Variants in ARL9 observed in about 807,000 individuals in gnomAD.
ARL9 encodes the protein ARF like GTPase 9.
In ARL9, 14 loss-of-function variants were observed where a neutral mutation model predicts 27.0. That is an observed-to-expected ratio of 0.52 (90% CI 0.34 to 0.81). ARL9 has a LOEUF of 0.81. Ranked by LOEUF, ARL9 falls within the 30% of genes least tolerant of loss-of-function variation. The pLI, the probability that ARL9 is intolerant of heterozygous loss-of-function variation, is 0.01. For missense variants in ARL9, 294 were observed against 290.0 expected, an observed-to-expected ratio of 1.01 and a Z score of -0.10; for synonymous variants, 106 against 108.7, an observed-to-expected ratio of 0.98 and a Z score of 0.15.
In ARL9 at chr4:56,515,591, T is replaced by C. The variant is rs114847973; in HGVS notation, c.443-3087T>C. Among the ~76,000 whole-genome samples, 1,335 of 152,262 alleles carry C rather than the reference T, an allele frequency of 8.8e-3. 25 individuals are homozygous for C. Among genetic ancestry groups the C allele is most frequent in the African/African-American group, 0.031 (1,270 of 41,558 alleles). On this transcript the variant is annotated intron_variant, in intron 2 of 3. Coordinates refer to ENST00000640821, the MANE Select transcript of ARL9 (RefSeq NM_001363794.2). The stretch of plus-strand genomic sequence containing the variant: ...AGTACTTATTTACAAATGATATAAT[T>C]GTCTTCAAAGAAAGCCTAAAACACC...
In ARL9 at chr4:56,523,717, C is replaced by A. The variant is rs772424781; in HGVS notation, c.639C>A (p.His213Gln). ...ANKQDLEAAY[H>Q]ITDIHEALAL... ...TGAAGGATCTTGAAGCAGCCTATCACATTACAGATATCCATGAAGCTTTGG... is the reference window on the plus strand; with the variant it reads ...TGAAGGATCTTGAAGCAGCCTATCAAATTACAGATATCCATGAAGCTTTGG... Residue 213 changes from histidine to glutamine, a missense_variant, in exon 4 of 4, where the codon CAC becomes CAA. His to Gln is a conservative substitution (Grantham distance 24). Coordinates refer to ENST00000640821, the MANE Select transcript of ARL9 (RefSeq NM_001363794.2). 2 of 1,613,578 alleles carry A rather than the reference C, an allele frequency of 1.2e-6. No individual in the cohort carries two copies. Among genetic ancestry groups the A allele is most frequent in the East Asian group, 4.5e-5 (2 of 44,878 alleles).
At chr4:56,516,916 A>G (rs1721781940) in intron 2 of ARL9, among the ~76,000 whole-genome samples, 1 of 152,208 alleles carries the variant, frequency 6.6e-6, no homozygotes, top group Non-Finnish European at 1.5e-5. Flanking sequence ...ATGACAGAGC[A>G]CAACCTTGTC....
At chr4:56,512,910 T>A (rs77602195) in intron 2 of ARL9, among the ~76,000 whole-genome samples, 5,360 of 152,214 alleles carry the variant, frequency 0.035, 293 homozygotes, top group African/African-American at 0.12. Flanking sequence ...TTAATAACAT[T>A]CACTATTTAT....
intron 1 of ARL9, among the ~76,000 whole-genome samples, chr4:56,509,644 C>T (rs184281975): frequency 1.5e-4 from 23 of 151,730 alleles, no homozygotes; most frequent in Non-Finnish European, 3.1e-4. Flanking sequence ...AAGCAATTCT[C>T]CTGCCTCAGC....
rs974661085 is a variant in ARL9, at chr4:56,509,230, A to C, written c.280-1955A>C. Among the ~76,000 whole-genome samples the C allele has an allele frequency of 2.4e-5, 3 of 124,964 alleles. No individual in the cohort carries two copies. The South Asian group carries it at 7.2e-4, about 30-fold the overall frequency. 82.0% of individuals were successfully genotyped at this position (124,964 alleles called of 152,430 possible). Reference sequence around the variant, plus strand: ...TTTTTGTTTTTTTTTTTTGGGATGGAGTCTGTATCACCCAGGCTGGAGTGC... The same window carrying C: ...TTTTTGTTTTTTTTTTTTGGGATGGCGTCTGTATCACCCAGGCTGGAGTGC... On this transcript the variant is annotated intron_variant, in intron 1 of 3. Coordinates refer to ENST00000640821, the MANE Select transcript of ARL9 (RefSeq NM_001363794.2).
At chr4:56,506,550 C>A in intron 1 of ARL9, 1 of 894,840 alleles carries the variant, frequency 1.1e-6, no homozygotes, top group Non-Finnish European at 1.3e-6. Flanking sequence ...GCATTGAATG[C>A]GTTCTTTGTC....
chr4:56,509,731 GGAGCCTTGCTCT>G (rs1721582115), intron 1 of ARL9, among the ~76,000 whole-genome samples: 2 of 122,444 alleles, frequency 1.6e-5, no homozygotes, highest in African/African-American at 3.3e-5. Context: ...TTTTTAAGAT[GGAGCCTTGCTCT>G]GTCGCCCAGG....
intron 1 of ARL9, among the ~76,000 whole-genome samples, chr4:56,509,189 C>A (rs1249018412): frequency 7.0e-6 from 1 of 142,622 alleles, no homozygotes; most frequent in Middle Eastern, 3.4e-3. Context: ...ATGCTTTTTT[C>A]TTTTTCTTTT....
intron 2 of ARL9, 37 bp from the exon 3 acceptor site, chr4:56,518,639 TTG>T (rs370765787): frequency 6.5e-5 from 102 of 1,568,280 alleles, no homozygotes; most frequent in South Asian, 1.3e-4. Flanking sequence ...TTCTGTGATT[TTG>T]TGTGTGTGTG....
rs367975989 is a variant in ARL9 at position 56,518,771 on chromosome 4, G to A, written c.536G>A (p.Arg179Gln). The A allele has an allele frequency of 9.6e-5, 155 of 1,613,944 alleles. 1 individual carries two copies. In the South Asian group the frequency reaches 1.4e-3, roughly 15 times the overall value. ...IFVVDSADHS[R>Q]LPEAKKYLHQ... ...GTGGTGGATTCAGCAGATCACAGCC[G>A]ATTACCTGAAGCCAAGAAATACCTT... The change falls in exon 3 of 4, where the codon CGA becomes CAA. Residue 179 changes from arginine to glutamine, a missense_variant. Physicochemically the swap from Arg to Gln is conservative, Grantham distance 43. Transcript: ENST00000640821.
rs1433828119 is a variant in ARL9 at position 56,516,596 on chromosome 4, AAAAAAAG to A, written c.443-2076_443-2070del. 2.7e-4 allele frequency among the ~76,000 whole-genome samples: 41 copies of A among 151,480 alleles called. 1 individual carries two copies. The highest frequency in any genetic ancestry group is 2.4e-5 in the African/African-American group (1 of 41,308). On this transcript the variant is annotated intron_variant, in intron 2 of 3. Coordinates refer to ENST00000640821, the MANE Select transcript of ARL9 (RefSeq NM_001363794.2). ...AATTCAAATTAGGCAAAAAAAAAAA[AAAAAAAG>A]AAAAAGAAAAAGAAATCTGATAATA...
Position 56,524,084 on chromosome 4 carries a change from C to T in ARL9, c.*208C>T, listed in dbSNP as rs541457441. ...GGATCCAAAACATTCAAAAAGTAAA[C>T]CCACTGAAGAATAATAACACAACAA... On this transcript the variant is annotated 3_prime_UTR_variant, in exon 4 of 4. Coordinates refer to ENST00000640821, the MANE Select transcript of ARL9 (RefSeq NM_001363794.2). The T allele has an allele frequency of 4.4e-6, 2 of 455,066 alleles. No homozygotes were observed. Among genetic ancestry groups the T allele is most frequent in the East Asian group, 6.4e-5 (2 of 31,142 alleles). 28.2% of individuals were successfully genotyped at this position (455,066 alleles called of 1,614,324 possible).
chr4:56,521,403 T>G (rs1171357400), intron 3 of ARL9, among the ~76,000 whole-genome samples: 1 of 152,178 alleles, frequency 6.6e-6, no homozygotes, highest in Non-Finnish European at 1.5e-5. Context: ...TATTTCCAAT[T>G]TTTTATTGTT....
At chr4:56,506,786 TTG>T (rs138908292) in intron 1 of ARL9, 9,573 of 180,994 alleles carry the variant, frequency 0.053, 238 homozygotes, top group African/African-American at 0.098. Flanking sequence ...ATTAACACAG[TTG>T]TGTGTGTGTG....
At chr4:56,523,571 C>A in intron 3 of ARL9, 126 bp from the exon 4 acceptor site, 1 of 706,478 alleles carries the variant, frequency 1.4e-6, no homozygotes, top group Non-Finnish European at 2.3e-6. Flanking sequence ...ATAATGGAGT[C>A]ACAATAGCCT....
intron 2 of ARL9, among the ~76,000 whole-genome samples, chr4:56,514,028 G>A (rs1721710477): frequency 6.6e-6 from 1 of 152,098 alleles, no homozygotes. Flanking sequence ...AAAATGAGCT[G>A]AGCATGGTGG....
At chr4:56,520,978 G>A (rs941441048) in intron 3 of ARL9, among the ~76,000 whole-genome samples, 6 of 152,128 alleles carry the variant, frequency 3.9e-5, no homozygotes, top group East Asian at 1.9e-4. Context: ...TTGGGAGGCC[G>A]AGGTGGTTGG....
In ARL9 at chr4:56,523,707, C is replaced by A. The variant is rs1408524870; in HGVS notation, c.629C>A (p.Ala210Glu). The change falls in exon 4 of 4, where the codon GCA becomes GAA. Residue 210 changes from alanine (A) to glutamate (E), a missense_variant. Ala to Glu is a moderately radical substitution (Grantham distance 107, BLOSUM62 -1). Transcript: ENST00000640821. ...VVFANKQDLE[A>E]AYHITDIHEA... ...CCACTCCGGATGAAGGATCTTGAAG[C>A]AGCCTATCACATTACAGATATCCAT... 5.0e-6 allele frequency: 8 copies of A among 1,610,324 alleles called. No individual in the cohort carries two copies. The African/African-American group carries it at 5.3e-5, about 11-fold the overall frequency.
upstream of ARL9, chr4:56,505,298 G>A: frequency 2.3e-6 from 1 of 429,704 alleles, no homozygotes; most frequent in South Asian, 1.6e-5. Flanking sequence ...ACTCGGGAGA[G>A]GGCGGAGAAA....
Sources: allele counts gnomAD v4.1 joint callset (sites outside exome capture counted in the v4.1 genomes callset), GRCh38; gene constraint gnomAD v4.1.1; transcripts MANE v1.5; gene names NCBI Gene and HGNC (gene_info 2026-07-23, HGNC 2026-07-21).